CNTNAP2: variants seen among roughly 807,000 people sequenced by gnomAD.
CNTNAP2 encodes the protein contactin associated protein 2.
Under a neutral mutation model 155.2 loss-of-function variants are expected in CNTNAP2, and 98 were observed. The ratio of observed to expected loss-of-function variants is 0.63; its 90% CI spans 0.54 to 0.75. The LOEUF (loss-of-function observed/expected upper bound fraction) is 0.75, where lower values mean the gene tolerates loss of function less well. CNTNAP2 is among the 30% of genes least tolerant of loss of function. The pLI is 0.00. For missense variants in CNTNAP2, 1,727 were observed against 1,688.1 expected, an observed-to-expected ratio of 1.02 and a Z score of -0.40; for synonymous variants, 651 against 631.2, an observed-to-expected ratio of 1.03 and a Z score of -0.47.
chr7:148,305,067 A>AG (rs55892975), intron 21 of CNTNAP2, among the ~76,000 whole-genome samples: 23,780 of 148,544 alleles, frequency 0.16, 2,105 homozygotes, highest in South Asian at 0.32. Flanking sequence ...AAAAAAAAAA[A>AG]AAGACATTAA....
chr7:147,043,355 A>G (rs1462009770), intron 3 of CNTNAP2, among the ~76,000 whole-genome samples: 1 of 152,212 alleles, frequency 6.6e-6, no homozygotes, highest in Admixed American at 6.5e-5. Flanking sequence ...AGAATCTTCT[A>G]TAATGAAAAA....
chr7:147,169,866 T>A (rs987436460), intron 8 of CNTNAP2, among the ~76,000 whole-genome samples: 1 of 152,218 alleles, frequency 6.6e-6, no homozygotes. Flanking sequence ...TTTCCTTGAA[T>A]TGAATTTCAA....
intron 12 of CNTNAP2, among the ~76,000 whole-genome samples, chr7:147,571,467 G>A (rs959005017): frequency 6.6e-6 from 1 of 151,502 alleles, no homozygotes; most frequent in Non-Finnish European, 1.5e-5. Flanking sequence ...ATCCCTTAAG[G>A]TTTGAGCCCA....
chr7:146,337,018 T>C lies in CNTNAP2; in HGVS notation c.97+220045T>C, dbSNP rs550902433. Among the ~76,000 whole-genome samples the C allele has an allele frequency of 2.6e-5, 4 of 152,300 alleles. No individual in the cohort carries two copies. The East Asian group carries it at 5.8e-4, about 22-fold the overall frequency. On this transcript the variant is annotated intron_variant, in intron 1 of 23. Transcript: ENST00000361727. ...AGTGCCTATACCTTACACATGTGAT[T>C]AACTGATATAAACTATATACATATA... is the stretch of plus-strand genomic sequence containing the variant.
At chr7:148,402,528 G>A (rs1235894749) in intron 22 of CNTNAP2, among the ~76,000 whole-genome samples, 1 of 152,058 alleles carries the variant, frequency 6.6e-6, no homozygotes, top group African/African-American at 2.4e-5. Flanking sequence ...ATAACCATTT[G>A]TTTTCATATC....
chr7:146,752,424 A>AT (rs1474601818), intron 1 of CNTNAP2, among the ~76,000 whole-genome samples: 1 of 152,040 alleles, frequency 6.6e-6, no homozygotes, highest in East Asian at 1.9e-4. Flanking sequence ...TAAATGTCTT[A>AT]TTTTGAGAAG....
intron 1 of CNTNAP2, among the ~76,000 whole-genome samples, chr7:146,726,468 C>A (rs1563206133): frequency 6.6e-6 from 1 of 152,032 alleles, no homozygotes; most frequent in Non-Finnish European, 1.5e-5. Context: ...TTTTAAAGTG[C>A]CATTCAATTT....
At chr7:147,862,536 C>A (rs1799153884) in intron 13 of CNTNAP2, among the ~76,000 whole-genome samples, 1 of 151,966 alleles carries the variant, frequency 6.6e-6, no homozygotes, top group Non-Finnish European at 1.5e-5. Context: ...GGAGAACTTC[C>A]TAGGGTTGAG....
intron 8 of CNTNAP2, among the ~76,000 whole-genome samples, chr7:147,297,595 C>T (rs1024898582): frequency 2.0e-5 from 3 of 152,128 alleles, no homozygotes; most frequent in South Asian, 2.1e-4. Context: ...ATAATTCACA[C>T]GAGGCATTCC....
intron 21 of CNTNAP2, among the ~76,000 whole-genome samples, chr7:148,317,584 G>C (rs1305006204): frequency 1.3e-5 from 2 of 152,180 alleles, no homozygotes; most frequent in East Asian, 3.8e-4. Context: ...GTAAACTGCA[G>C]TCCTGTTACT....
At chr7:146,298,872 C>T (rs1563026840) in intron 1 of CNTNAP2, among the ~76,000 whole-genome samples, 1 of 152,166 alleles carries the variant, frequency 6.6e-6, no homozygotes, top group Non-Finnish European at 1.5e-5. Flanking sequence ...GTCACTGTGA[C>T]TTGAGTTTGC....
chr7:147,129,021 C>G (rs1391248432), intron 7 of CNTNAP2, among the ~76,000 whole-genome samples, 185 bp downstream of exon 7: 1 of 152,062 alleles, frequency 6.6e-6, no homozygotes, highest in Non-Finnish European at 1.5e-5. Context: ...TTGAGAATAG[C>G]TAATGGGACT....
intron 9 of CNTNAP2, among the ~76,000 whole-genome samples, chr7:147,346,902 C>G (rs984372959): frequency 6.6e-6 from 1 of 152,110 alleles, no homozygotes; most frequent in Non-Finnish European, 1.5e-5. Context: ...AAACATGTTA[C>G]TCTTAGTCCT....
rs141311486 is a variant in CNTNAP2, at chr7:148,008,461, C to A, written c.2383+30472C>A. 5.1e-3 allele frequency among the ~76,000 whole-genome samples: 769 copies of A among 152,214 alleles called. 8 individuals are homozygous for A. Among genetic ancestry groups the A allele is most frequent in the African/African-American group, 0.017 (699 of 41,524 alleles). ...AAAATCTGTCAAGAGTAATTAGAACCTGCTTCCTTTCCTCTTCTCATTGTA... is the reference window on the plus strand; with the variant it reads ...AAAATCTGTCAAGAGTAATTAGAACATGCTTCCTTTCCTCTTCTCATTGTA... On this transcript the variant is annotated intron_variant, in intron 15 of 23. Transcript: ENST00000361727.
At chr7:146,702,791 T>C (rs1469195474) in intron 1 of CNTNAP2, among the ~76,000 whole-genome samples, 2 of 152,130 alleles carry the variant, frequency 1.3e-5, no homozygotes, top group Non-Finnish European at 2.9e-5. Context: ...AATCAAAAAT[T>C]AATGTTGTGT....
chr7:148,211,243 C>A (rs1042848150), intron 18 of CNTNAP2, among the ~76,000 whole-genome samples: 3 of 152,200 alleles, frequency 2.0e-5, no homozygotes, highest in African/African-American at 7.2e-5. Flanking sequence ...CCAGGAGAGC[C>A]TCCTAGACTT....
intron 13 of CNTNAP2, among the ~76,000 whole-genome samples, chr7:147,756,054 G>T (rs997058894): frequency 6.6e-6 from 1 of 152,108 alleles, no homozygotes; most frequent in Admixed American, 6.6e-5. Context: ...ACAGCCTCTA[G>T]CAGTATGGTA....
intron 8 of CNTNAP2, among the ~76,000 whole-genome samples, chr7:147,148,567 G>A (rs1215960167): frequency 2.0e-5 from 3 of 152,196 alleles, no homozygotes; most frequent in Non-Finnish European, 4.4e-5. Flanking sequence ...GAATGAAGCT[G>A]CGGACCCTCA....
intron 3 of CNTNAP2, among the ~76,000 whole-genome samples, chr7:146,994,400 T>A (rs1031439143): frequency 3.3e-5 from 5 of 152,126 alleles, no homozygotes; most frequent in African/African-American, 9.7e-5. Flanking sequence ...TTCAAATGTG[T>A]AATTTTAAAG....
Sources: gnomAD v4.1 joint callset for allele counts (sites outside exome capture counted in the v4.1 genomes callset) on GRCh38, gnomAD v4.1.1 for gene constraint, MANE v1.5 for transcripts, NCBI Gene and HGNC (gene_info 2026-07-23, HGNC 2026-07-21) for gene names.